MRPS28: variants seen among roughly 807,000 people sequenced by gnomAD.
MRPS28 encodes the protein small ribosomal subunit protein bS1m.
MRPS28 carries 7 observed loss-of-function variants against 10.8 expected under a neutral mutation model. The ratio of observed to expected loss-of-function variants is 0.65; its 90% CI spans 0.37 to 1.22. The LOEUF is 1.22. MRPS28 is among the 50% of genes most tolerant of loss of function. The probability of loss-of-function intolerance (pLI) is 0.02; values close to 1 mark genes in which losing one functional copy is unlikely to be tolerated. For synonymous variants in MRPS28, 121 were observed against 93.3 expected (o/e 1.30, Z -1.71); for missense variants, 265 against 232.9 (o/e 1.14, Z -0.90).
chr8:80,002,673 G>A (rs1403436579), intron 2 of MRPS28, among the ~76,000 whole-genome samples: 1 of 152,078 alleles, frequency 6.6e-6, no homozygotes, highest in African/African-American at 2.4e-5. Flanking sequence ...AGAGAGAAGG[G>A]ACAAAAAAAT....
chr8:80,024,276 A>G (rs1354387986), intron 1 of MRPS28, among the ~76,000 whole-genome samples: 1 of 152,194 alleles, frequency 6.6e-6, no homozygotes, highest in Non-Finnish European at 1.5e-5. Flanking sequence ...AAACAAAACT[A>G]GTTGAAGGGA....
chr8:79,921,576 A>G (rs1024273434), intron 2 of MRPS28, among the ~76,000 whole-genome samples: 6 of 151,942 alleles, frequency 3.9e-5, no homozygotes, highest in Non-Finnish European at 5.9e-5. Context: ...TTCACTCATG[A>G]TTTGGCTCTC....
At chr8:79,956,754 G>A (rs1807226864) in intron 2 of MRPS28, 1 of 152,074 alleles carries the variant, frequency 6.6e-6, no homozygotes, top group Admixed American at 6.6e-5. Context: ...CTGTTCCTGT[G>A]TTAGTTTGCT....
intron 1 of MRPS28, among the ~76,000 whole-genome samples, chr8:80,004,209 TGAG>T (rs1808755901): frequency 6.6e-6 from 1 of 152,182 alleles, no homozygotes; most frequent in Admixed American, 6.5e-5. Context: ...CCCTGACCCC[TGAG>T]TAGCCTAACT....
intron 2 of MRPS28, among the ~76,000 whole-genome samples, chr8:79,941,445 CCAGA>C (rs5892699): frequency 0.49 from 74,621 of 151,210 alleles, 20,430 homozygotes; most frequent in East Asian, 0.67. Context: ...AATCTTAAAG[CCAGA>C]CAGAGTTTCA....
Position 79,918,921 on chromosome 8 carries a change from T to C in MRPS28, c.*59A>G, listed in dbSNP as rs1411376883. 1 of 1,273,138 alleles carries C rather than the reference T, an allele frequency of 7.9e-7. No homozygotes were observed. Among genetic ancestry groups the C allele is most frequent in the South Asian group, 2.3e-5 (1 of 44,314 alleles). 78.9% of individuals were successfully genotyped at this position (1,273,138 alleles called of 1,614,324 possible). A position where few individuals can be genotyped will look rare whatever the true frequency, so the allele number is the denominator to read the frequency against. On this transcript the variant is annotated 3_prime_UTR_variant, in exon 3 of 3. Coordinates refer to ENST00000276585, the MANE Select transcript of MRPS28 (RefSeq NM_014018.3). The stretch of plus-strand genomic sequence containing the variant: ...ATCATTTATTCACAATTAGTCTAAT[T>C]GCATTCTTGATGAATAACTGACTTC...
At chr8:79,999,430 T>C (rs1325224070) in intron 2 of MRPS28, among the ~76,000 whole-genome samples, 1 of 152,200 alleles carries the variant, frequency 6.6e-6, no homozygotes, top group Non-Finnish European at 1.5e-5. Flanking sequence ...AAAATAGTAA[T>C]TATGCTGACC....
chr8:79,970,353 G>A (rs1046522997), intron 2 of MRPS28, among the ~76,000 whole-genome samples: 5 of 152,098 alleles, frequency 3.3e-5, no homozygotes, highest in Non-Finnish European at 5.9e-5. Context: ...AAAAATCAGT[G>A]CTCTACATGT....
chr8:80,001,033 A>C (rs372216997), intron 2 of MRPS28, among the ~76,000 whole-genome samples: 4 of 152,376 alleles, frequency 2.6e-5, no homozygotes, highest in East Asian at 1.9e-4. Flanking sequence ...TAAAAAAAGT[A>C]TATGACTAGT....
chr8:79,970,814 GTC>G (rs1286149792), intron 2 of MRPS28, among the ~76,000 whole-genome samples: 3 of 152,206 alleles, frequency 2.0e-5, no homozygotes, highest in African/African-American at 7.2e-5. Context: ...TATAAATAAA[GTC>G]TGTGGTTATT....
At chr8:80,009,100 A>G (rs944669511) in intron 1 of MRPS28, among the ~76,000 whole-genome samples, 1 of 152,232 alleles carries the variant, frequency 6.6e-6, no homozygotes, top group South Asian at 2.1e-4. Context: ...CAGCCATAAA[A>G]AAGGATGAGT....
chr8:79,967,601 T>C (rs1272012782), intron 2 of MRPS28, among the ~76,000 whole-genome samples: 1 of 152,174 alleles, frequency 6.6e-6, no homozygotes, highest in Non-Finnish European at 1.5e-5. Flanking sequence ...GTGCTACGTG[T>C]GTGCAACGTG....
intron 2 of MRPS28, among the ~76,000 whole-genome samples, chr8:79,976,334 C>T (rs912565056): frequency 7.2e-5 from 11 of 152,258 alleles, no homozygotes; most frequent in East Asian, 5.8e-4. Flanking sequence ...CTGCCTGCCT[C>T]GGCCTCCCAA....
intron 2 of MRPS28, among the ~76,000 whole-genome samples, chr8:79,982,461 C>CTT (rs1300850773): frequency 6.6e-6 from 1 of 152,222 alleles, no homozygotes. Context: ...CAGGGCGAGG[C>CTT]ATTGCCTCAC....
intron 2 of MRPS28, among the ~76,000 whole-genome samples, chr8:79,941,175 G>A (rs1298119565): frequency 6.6e-6 from 1 of 152,072 alleles, no homozygotes; most frequent in Non-Finnish European, 1.5e-5. Context: ...AATCAGATTA[G>A]TGAGACTCCA....
At chr8:80,024,887 G>C (rs1380285202) in intron 1 of MRPS28, among the ~76,000 whole-genome samples, 1 of 152,310 alleles carries the variant, frequency 6.6e-6, no homozygotes, top group Admixed American at 6.5e-5. Flanking sequence ...CATAAAGGTA[G>C]TAAAACACAA....
intron 2 of MRPS28, among the ~76,000 whole-genome samples, chr8:79,988,924 C>T (rs538844219): frequency 6.6e-6 from 1 of 152,128 alleles, no homozygotes; most frequent in African/African-American, 2.4e-5. Context: ...TAAAGCACTT[C>T]CTAGAAGAAT....
chr8:80,025,521 A>T (rs1247473399), intron 1 of MRPS28, among the ~76,000 whole-genome samples: 1 of 152,198 alleles, frequency 6.6e-6, no homozygotes, highest in African/African-American at 2.4e-5. Flanking sequence ...GAAACAACCT[A>T]AAAGTTCAAT....
In MRPS28 at chr8:79,918,860, T is replaced by C. The variant is rs1809995244; in HGVS notation, c.*120A>G. The C allele has an allele frequency of 1.3e-6, 1 of 769,766 alleles. No individual in the cohort carries two copies. Among genetic ancestry groups the C allele is most frequent in the African/African-American group, 1.8e-5 (1 of 55,560 alleles). 47.7% of individuals were successfully genotyped at this position (769,766 alleles called of 1,614,324 possible). On this transcript the variant is annotated 3_prime_UTR_variant, in exon 3 of 3. Transcript: ENST00000276585. ...AAAGAAAATTCTAATAAGAGTTATC[T>C]ATAATTATAGCTTTTATTTATTATA...
Sources: allele counts gnomAD v4.1 joint callset (sites outside exome capture counted in the v4.1 genomes callset), GRCh38; gene constraint gnomAD v4.1.1; transcripts MANE v1.5; gene names NCBI Gene and HGNC (gene_info 2026-07-23, HGNC 2026-07-21).